The following SDCCAG8 variants were observed in gnomAD, a reference collection of about 807,000 sequenced individuals.
The protein encoded by SDCCAG8 is SHH signaling and ciliogenesis regulator SDCCAG8, also known as serologically defined colon cancer antigen 8.
In SDCCAG8, 74 loss-of-function variants were observed where a neutral mutation model predicts 101.8. The observed-to-expected ratio is 0.73, with a 90% CI of 0.60 to 0.88. The LOEUF is 0.88. Among genes scored for constraint, SDCCAG8 ranks in the 40% least tolerant of loss-of-function variants. SDCCAG8 has a pLI of 0.00. For missense variants in SDCCAG8, 787 were observed against 822.6 expected (o/e 0.96, Z 0.53); for synonymous variants, 281 against 292.9 (o/e 0.96, Z 0.41).
chr1:243,395,466 G>T (rs919371909), intron 13 of SDCCAG8, among the ~76,000 whole-genome samples: 3 of 151,950 alleles, frequency 2.0e-5, no homozygotes, highest in African/African-American at 7.3e-5. Flanking sequence ...CACATGAAGA[G>T]AAATTATTTA....
chr1:243,358,029 T>G (rs1439430466), intron 12 of SDCCAG8, among the ~76,000 whole-genome samples: 1 of 152,142 alleles, frequency 6.6e-6, no homozygotes, highest in African/African-American at 2.4e-5. Context: ...GACTTTGGAT[T>G]AGGTAATGGT....
chr1:243,426,215 GA>G (rs1439844443), intron 15 of SDCCAG8, among the ~76,000 whole-genome samples: 2 of 152,158 alleles, frequency 1.3e-5, no homozygotes. Flanking sequence ...ATTTCTGTTA[GA>G]GTAAGTTGTT....
At chr1:243,380,372 C>G (rs2077863487) in intron 13 of SDCCAG8, among the ~76,000 whole-genome samples, 1 of 152,090 alleles carries the variant, frequency 6.6e-6, no homozygotes. Context: ...TCAGAACCAA[C>G]CATTTGTGTG....
chr1:243,338,461 C>G (rs2802729), intron 10 of SDCCAG8, among the ~76,000 whole-genome samples: 1 of 149,852 alleles, frequency 6.7e-6, no homozygotes, highest in Non-Finnish European at 1.5e-5. Flanking sequence ...GGGAAGCTGT[C>G]GGAGAACAGA....
At chr1:243,353,516 A>AAAAAAAAAAAAAAAAAAG (rs1157553014) in intron 12 of SDCCAG8, among the ~76,000 whole-genome samples, 2 of 148,514 alleles carry the variant, frequency 1.3e-5, no homozygotes, top group East Asian at 3.9e-4. Context: ...AAAAAAAAAA[A>AAAAAAAAAAAAAAAAAAG]AAAAAAAGAA....
At chr1:243,431,636 T>TA (rs1465852031) in intron 16 of SDCCAG8, among the ~76,000 whole-genome samples, 1 of 152,212 alleles carries the variant, frequency 6.6e-6, no homozygotes, top group African/African-American at 2.4e-5. Context: ...GAATTCATGT[T>TA]AAAGATGGCA....
At chr1:243,316,031 C>T (rs911071163) in intron 8 of SDCCAG8, among the ~76,000 whole-genome samples, 3 of 152,172 alleles carry the variant, frequency 2.0e-5, no homozygotes, top group African/African-American at 7.2e-5. Flanking sequence ...TGCTATTTTA[C>T]ATGCCAGAGC....
chr1:243,313,338 A>G (rs1403084102), intron 8 of SDCCAG8, among the ~76,000 whole-genome samples: 3 of 152,222 alleles, frequency 2.0e-5, no homozygotes, highest in South Asian at 2.1e-4. Flanking sequence ...GCCACTCCAC[A>G]TTTCAAGGTG....
chr1:243,279,876 G>A (rs2068882924), intron 4 of SDCCAG8, among the ~76,000 whole-genome samples: 1 of 152,096 alleles, frequency 6.6e-6, no homozygotes, highest in African/African-American at 2.4e-5. Context: ...CTCTTGTAAT[G>A]TTTTCACTTG....
Position 243,256,220 on chromosome 1 carries a change from A to C in SDCCAG8, c.47A>C (p.Gln16Pro). 1.2e-6 allele frequency: 2 copies of C among 1,614,208 alleles called. No individual in the cohort carries two copies. Among genetic ancestry groups the C allele is most frequent in the Non-Finnish European group, 1.7e-6 (2 of 1,180,002 alleles). ...ENSTLEEILG[Q>P]YQRSLREHAS... ...TCTACCCTGGAGGAGATTCTGGGGC[A>C]GTATCAACGGAGTCTCCGGGGTGAG... The change falls in exon 1 of 18, where the codon CAG becomes CCG. Residue 16 changes from glutamine (Q) to proline (P), a missense_variant. Physicochemically the swap from Gln to Pro is moderately conservative, Grantham distance 76. Coordinates refer to ENST00000366541, the MANE Select transcript of SDCCAG8 (RefSeq NM_006642.5).
intron 16 of SDCCAG8, among the ~76,000 whole-genome samples, chr1:243,487,251 G>C (rs1441613733): frequency 6.6e-6 from 1 of 152,150 alleles, no homozygotes; most frequent in Non-Finnish European, 1.5e-5. Flanking sequence ...GCCGCTCACT[G>C]TTCAGGACAG....
At chr1:243,394,507 AGGG>A (rs1434229772) in intron 13 of SDCCAG8, among the ~76,000 whole-genome samples, 19 of 152,196 alleles carry the variant, frequency 1.2e-4, no homozygotes. Context: ...TAATTGAGGA[AGGG>A]GGTGGAAAAA....
intron 16 of SDCCAG8, among the ~76,000 whole-genome samples, chr1:243,462,306 T>A (rs924892771): frequency 2.0e-5 from 3 of 152,196 alleles, no homozygotes; most frequent in South Asian, 2.1e-4. Flanking sequence ...CTCGTTCCTA[T>A]CATCCCTGCC....
At chr1:243,282,926 A>C (rs1469099587) in intron 4 of SDCCAG8, among the ~76,000 whole-genome samples, 2 of 152,092 alleles carry the variant, frequency 1.3e-5, no homozygotes, top group African/African-American at 2.4e-5. Context: ...GGCTCACTGC[A>C]ACCTCTGCCT....
At chr1:243,310,002 T>G (rs1168284301) in intron 8 of SDCCAG8, among the ~76,000 whole-genome samples, 1 of 152,128 alleles carries the variant, frequency 6.6e-6, no homozygotes, top group Non-Finnish European at 1.5e-5. Flanking sequence ...TAGCTGGGAC[T>G]ATAGGCGCCC....
At chr1:243,322,324 A>G (rs1023849155) in intron 9 of SDCCAG8, among the ~76,000 whole-genome samples, 3 of 152,232 alleles carry the variant, frequency 2.0e-5, no homozygotes, top group African/African-American at 7.2e-5. Context: ...CAGTGCAGCC[A>G]GTCTGCCAGG....
At chr1:243,451,116 G>A (rs2083322447) in intron 16 of SDCCAG8, among the ~76,000 whole-genome samples, 1 of 152,208 alleles carries the variant, frequency 6.6e-6, no homozygotes, top group South Asian at 2.1e-4. Context: ...TAGATCTATA[G>A]ATGGATATGT....
At chr1:243,408,463 G>C (rs2079942660) in intron 13 of SDCCAG8, among the ~76,000 whole-genome samples, 1 of 152,220 alleles carries the variant, frequency 6.6e-6, no homozygotes. Context: ...GTAGGAGAAA[G>C]TAATCCAATA....
Position 243,256,080 on chromosome 1 carries a change from C to A in SDCCAG8, c.-94C>A. On this transcript the variant is annotated 5_prime_UTR_variant, in exon 1 of 18. Coordinates refer to ENST00000366541, the MANE Select transcript of SDCCAG8 (RefSeq NM_006642.5). ...TGTGACAGCCGCGGCAGGAAGCAGG[C>A]GGGCGCTCCCCGGCCACAGGCCTGT... 2 of 1,186,218 alleles carry A rather than the reference C, an allele frequency of 1.7e-6. No homozygotes were observed. Among genetic ancestry groups the A allele is most frequent in the Non-Finnish European group, 2.5e-6 (2 of 790,054 alleles). The allele number at this position is 1,186,218 out of a possible 1,614,324, so 73.5% of individuals were successfully genotyped here. A position where few individuals can be genotyped will look rare whatever the true frequency, so the allele number is the denominator to read the frequency against.
Sources: gnomAD v4.1 joint callset for allele counts (sites outside exome capture counted in the v4.1 genomes callset) on GRCh38, gnomAD v4.1.1 for gene constraint, MANE v1.5 for transcripts, NCBI Gene and HGNC (gene_info 2026-07-23, HGNC 2026-07-21) for gene names.